Variants in ERBB4 observed in about 807,000 individuals in gnomAD.
ERBB4 encodes erb-b2 receptor tyrosine kinase 4.
In ERBB4, 42 loss-of-function variants were observed where a neutral mutation model predicts 158.0. The ratio of observed to expected loss-of-function variants is 0.27; its 90% CI spans 0.21 to 0.34. The LOEUF is 0.34. Among genes scored for constraint, ERBB4 ranks in the 10% least tolerant of loss-of-function variants. The pLI is 1.00. For synonymous variants in ERBB4, 583 were observed against 558.7 expected (o/e 1.04, Z -0.61); for missense variants, 1,333 against 1,624.1 (o/e 0.82, Z 3.08).
intron 3 of ERBB4, among the ~76,000 whole-genome samples, chr2:211,817,498 T>C (rs1488762073): frequency 6.6e-6 from 1 of 152,208 alleles, no homozygotes; most frequent in Non-Finnish European, 1.5e-5. Context: ...ATGGTTTTAT[T>C]TTCCAGGACA....
intron 2 of ERBB4, among the ~76,000 whole-genome samples, chr2:212,111,836 T>C (rs1004275521): frequency 6.6e-6 from 1 of 151,864 alleles, no homozygotes; most frequent in African/African-American, 2.4e-5. Context: ...GAGTTCAATC[T>C]GGGAATGTCT....
chr2:211,428,991 C>T (rs1239662891), intron 21 of ERBB4, among the ~76,000 whole-genome samples: 7 of 151,746 alleles, frequency 4.6e-5, no homozygotes, highest in South Asian at 2.1e-4. Flanking sequence ...GGATTACATA[C>T]GTGAGCCACC....
intron 25 of ERBB4, among the ~76,000 whole-genome samples, chr2:211,415,890 CAAAT>C (rs1462819080): frequency 6.6e-6 from 1 of 151,984 alleles, no homozygotes; most frequent in African/African-American, 2.4e-5. Context: ...GAGGAAAATG[CAAAT>C]AAATCTATTT....
At chr2:212,427,734 ATACCTGAAAGAAATTGGTC>A (rs1453848241) in intron 1 of ERBB4, among the ~76,000 whole-genome samples, 5 of 152,166 alleles carry the variant, frequency 3.3e-5, no homozygotes, top group Non-Finnish European at 4.4e-5. Context: ...TTTATTCAGT[ATACCTGAAAGAAATTGGTC>A]TGCCTGTCCT....
At chr2:211,502,952 T>C (rs974577105) in intron 20 of ERBB4, among the ~76,000 whole-genome samples, 10 of 152,042 alleles carry the variant, frequency 6.6e-5, no homozygotes, top group Non-Finnish European at 1.2e-4. Flanking sequence ...AAGAAGACAC[T>C]GAAACTTAAT....
intron 3 of ERBB4, among the ~76,000 whole-genome samples, chr2:211,914,870 G>A (rs2079644683): frequency 6.6e-6 from 1 of 151,920 alleles, no homozygotes; most frequent in African/African-American, 2.4e-5. Flanking sequence ...TTTTATGGAG[G>A]GGAAAGCAGA....
chr2:212,432,737 C>A (rs548185754), intron 1 of ERBB4, among the ~76,000 whole-genome samples: 1 of 152,198 alleles, frequency 6.6e-6, no homozygotes, highest in South Asian at 2.1e-4. Context: ...TCATTAATAA[C>A]CCACAGAAGT....
chr2:211,975,331 A>T (rs997435766), intron 2 of ERBB4, among the ~76,000 whole-genome samples: 5 of 152,176 alleles, frequency 3.3e-5, no homozygotes, highest in Admixed American at 1.3e-4. Context: ...TACTATCATA[A>T]CCTATTCTAG....
At chr2:211,409,762 G>GAGTT (rs146919793) in intron 25 of ERBB4, among the ~76,000 whole-genome samples, 2,929 of 152,240 alleles carry the variant, frequency 0.019, 93 homozygotes, top group African/African-American at 0.067. Flanking sequence ...CTGAATACTA[G>GAGTT]AGTTAGACTT....
intron 16 of ERBB4, among the ~76,000 whole-genome samples, chr2:211,643,550 T>C (rs1199121773): frequency 6.6e-6 from 1 of 152,152 alleles, no homozygotes; most frequent in Non-Finnish European, 1.5e-5. Flanking sequence ...CACTTTTCCT[T>C]TTTTCTTGCA....
intron 19 of ERBB4, among the ~76,000 whole-genome samples, chr2:211,563,395 G>C (rs1032904841): frequency 3.9e-5 from 6 of 152,198 alleles, no homozygotes; most frequent in African/African-American, 1.4e-4. Flanking sequence ...TAATCATGAG[G>C]AAAAAATCAG....
chr2:212,323,456 T>C (rs781581416), intron 1 of ERBB4, among the ~76,000 whole-genome samples: 1 of 150,406 alleles, frequency 6.6e-6, no homozygotes, highest in Non-Finnish European at 1.5e-5. Context: ...GCTATACTTA[T>C]TGCTCTTTGC....
At chr2:211,629,984 T>C (rs1229366185) in intron 17 of ERBB4, among the ~76,000 whole-genome samples, 2 of 152,328 alleles carry the variant, frequency 1.3e-5, no homozygotes, top group Non-Finnish European at 2.9e-5. Context: ...GACATAGGCA[T>C]GGGCAAGGAC....
intron 2 of ERBB4, among the ~76,000 whole-genome samples, chr2:212,122,348 A>T (rs1559539212): frequency 6.8e-6 from 1 of 147,016 alleles, no homozygotes; most frequent in Admixed American, 6.9e-5. Flanking sequence ...GAATGGGTAC[A>T]TGTCATAATA....
At chr2:212,105,700 C>T (rs1450891902) in intron 2 of ERBB4, among the ~76,000 whole-genome samples, 1 of 152,182 alleles carries the variant, frequency 6.6e-6, no homozygotes, top group African/African-American at 2.4e-5. Context: ...CAACACTGTC[C>T]TGACCTAATT....
intron 1 of ERBB4, among the ~76,000 whole-genome samples, chr2:212,139,097 T>C (rs189197298): frequency 1.1e-4 from 16 of 152,224 alleles, no homozygotes; most frequent in Admixed American, 9.2e-4. Flanking sequence ...GTGGGCTTTA[T>C]TATAATAGAG....
intron 1 of ERBB4, among the ~76,000 whole-genome samples, chr2:212,358,604 T>G (rs539390415): frequency 1.3e-5 from 2 of 151,854 alleles, no homozygotes; most frequent in South Asian, 4.1e-4. Context: ...ATGTTTTCCA[T>G]TCCTGGAAAT....
intron 21 of ERBB4, among the ~76,000 whole-genome samples, chr2:211,428,719 TATTTTA>T (rs2125423800): frequency 6.6e-6 from 1 of 152,200 alleles, no homozygotes; most frequent in South Asian, 2.1e-4. Flanking sequence ...ATTCATTTTT[TATTTTA>T]TTTATTTTTT....
chr2:211,547,072 A>G (rs1215248674), intron 20 of ERBB4, among the ~76,000 whole-genome samples: 1 of 152,120 alleles, frequency 6.6e-6, no homozygotes, highest in East Asian at 1.9e-4. Context: ...AAATTTGTGT[A>G]AAACCAGTGA....
Sources: allele counts gnomAD v4.1 joint callset (sites outside exome capture counted in the v4.1 genomes callset), GRCh38; gene constraint gnomAD v4.1.1; transcripts MANE v1.5; gene names NCBI Gene and HGNC (gene_info 2026-07-23, HGNC 2026-07-21).